The following FAP variants were observed in gnomAD, a reference collection of about 807,000 sequenced individuals.
FAP encodes the protein prolyl endopeptidase FAP.
Under a neutral mutation model 126.5 loss-of-function variants are expected in FAP, and 110 were observed. That is an observed-to-expected ratio of 0.87 (90% confidence interval 0.74 to 1.02). The LOEUF (loss-of-function observed/expected upper bound fraction) is 1.02. Ranked by LOEUF, FAP falls within the 50% of genes least tolerant of loss-of-function variation. The pLI, the probability that FAP is intolerant of heterozygous loss-of-function variation, is 0.00. For missense variants in FAP, 919 were observed against 909.2 expected (o/e 1.01, Z -0.14); for synonymous variants, 334 against 297.3 (o/e 1.12, Z -1.27).
chr2:162,215,359 T>G (rs1298521911), intron 10 of FAP, among the ~76,000 whole-genome samples: 1 of 152,198 alleles, frequency 6.6e-6, no homozygotes, highest in Non-Finnish European at 1.5e-5. Flanking sequence ...GGTCACTGTA[T>G]TCTGGACTAG....
chr2:162,187,037 C>G (rs1687885955), intron 20 of FAP, among the ~76,000 whole-genome samples: 1 of 151,062 alleles, frequency 6.6e-6, no homozygotes, highest in Admixed American at 6.6e-5. Flanking sequence ...CTCAGATAGA[C>G]TTTTTTTTTA....
chr2:162,227,554 C>T (rs1576192242), intron 2 of FAP, among the ~76,000 whole-genome samples: 1 of 152,238 alleles, frequency 6.6e-6, no homozygotes, highest in South Asian at 2.1e-4. Flanking sequence ...TAGGAAGATC[C>T]TATACCTTGA....
intron 11 of FAP, among the ~76,000 whole-genome samples, chr2:162,211,959 C>T (rs1315529629): frequency 2.0e-5 from 3 of 152,148 alleles, no homozygotes; most frequent in South Asian, 2.1e-4. Flanking sequence ...CTGGGAAATT[C>T]GACACTGTTG....
chr2:162,213,727 T>G (rs1689054581), intron 11 of FAP, among the ~76,000 whole-genome samples: 1 of 152,154 alleles, frequency 6.6e-6, no homozygotes. Flanking sequence ...GCTATTCAAT[T>G]TCAAGGTTTA....
chr2:162,224,126 CCTTT>C, intron 5 of FAP, among the ~76,000 whole-genome samples: 1 of 152,064 alleles, frequency 6.6e-6, no homozygotes, highest in East Asian at 1.9e-4. Flanking sequence ...AAAATGCTTG[CCTTT>C]CTTTGAGTAC....
intron 22 of FAP, among the ~76,000 whole-genome samples, 169 bp from the exon 23 acceptor site, chr2:162,173,956 TC>T (rs1367327323): frequency 6.6e-6 from 1 of 152,156 alleles, no homozygotes; most frequent in Non-Finnish European, 1.5e-5. Flanking sequence ...ATATGTGTCA[TC>T]TCTGCAATTA....
chr2:162,207,063 A>G (rs1399401586), intron 12 of FAP, among the ~76,000 whole-genome samples: 2 of 152,224 alleles, frequency 1.3e-5, no homozygotes, highest in African/African-American at 4.8e-5. Flanking sequence ...AAGACCCTAT[A>G]AATGTTACTT....
chr2:162,189,701 G>T lies in FAP; in HGVS notation c.1504C>A (p.Gln502Lys), dbSNP rs762712988. Reference sequence around the variant, plus strand: ...TTCTTAATTTCCTCTTTAGGCAGCTGGATATTTTTCAAAGCATTTTCCAAT... The same window carrying T: ...TTCTTAATTTCCTCTTTAGGCAGCTTGATATTTTTCAAAGCATTTTCCAAT... ...KELENALKNIQLPKEEIKKLE... is the reference protein window; with the variant it reads ...KELENALKNIKLPKEEIKKLE... Residue 502 changes from glutamine to lysine, a missense_variant, in exon 18 of 26, where the codon CAG becomes AAG. Physicochemically the swap from Gln to Lys is moderately conservative, Grantham distance 53. Coordinates refer to ENST00000188790, the MANE Select transcript of FAP (RefSeq NM_004460.5). The T allele has an allele frequency of 1.3e-6, 2 of 1,592,206 alleles. No individual in the cohort carries two copies. The highest frequency in any genetic ancestry group is 1.1e-5 in the South Asian group (1 of 87,332).
chr2:162,227,728 C>T (rs995339308), intron 2 of FAP, among the ~76,000 whole-genome samples: 15 of 152,138 alleles, frequency 9.9e-5, no homozygotes, highest in Non-Finnish European at 1.2e-4. Flanking sequence ...TGGTGTGGGG[C>T]AGTCTACCCT....
At chr2:162,232,966 A>T (rs949549676) in intron 2 of FAP, among the ~76,000 whole-genome samples, 1 of 152,116 alleles carries the variant, frequency 6.6e-6, no homozygotes, top group African/African-American at 2.4e-5. Flanking sequence ...CATGGCTGTT[A>T]CTGCTTCTAC....
At chr2:162,196,418 G>C (rs552125028) in intron 16 of FAP, among the ~76,000 whole-genome samples, 1 of 151,406 alleles carries the variant, frequency 6.6e-6, no homozygotes, top group Admixed American at 6.6e-5. Context: ...AGCATGCAAA[G>C]AAATGAGACA....
chr2:162,202,127 A>T (rs552162114), intron 14 of FAP, among the ~76,000 whole-genome samples: 1 of 152,342 alleles, frequency 6.6e-6, no homozygotes, highest in East Asian at 1.9e-4. Context: ...CTAAGAGAGG[A>T]TCCCTAGATG....
chr2:162,197,297 C>T lies in FAP; in HGVS notation c.1402+1460G>A, dbSNP rs115049799. ...AATACAAAGATTAAAAGAATGTAGCCCCTGCCTTCCAGGAGAAAAAGATAG... is the reference window on the plus strand; with the variant it reads ...AATACAAAGATTAAAAGAATGTAGCTCCTGCCTTCCAGGAGAAAAAGATAG... On this transcript the variant is annotated intron_variant, in intron 16 of 25. Coordinates refer to ENST00000188790, the MANE Select transcript of FAP (RefSeq NM_004460.5). Among the ~76,000 whole-genome samples, 547 of 152,182 alleles carry T rather than the reference C, an allele frequency of 3.6e-3. 2 individuals are homozygous for T. The highest frequency in any genetic ancestry group is 0.013 in the African/African-American group (528 of 41,522).
chr2:162,207,594 A>T (rs1384838426), intron 12 of FAP, among the ~76,000 whole-genome samples: 2 of 152,020 alleles, frequency 1.3e-5, no homozygotes, highest in African/African-American at 4.8e-5. Flanking sequence ...TATTTTTTTA[A>T]AAAAGTTCTA....
chr2:162,238,520 A>T (rs1690226706), intron 2 of FAP, among the ~76,000 whole-genome samples: 1 of 151,764 alleles, frequency 6.6e-6, no homozygotes, highest in Admixed American at 6.7e-5. Flanking sequence ...AAATTAGAGA[A>T]CTATAAACTG....
chr2:162,200,546 A>T lies in FAP; in HGVS notation c.1277+20T>A, dbSNP rs770010307. Reference sequence around the variant, plus strand: ...AAATATCAACACATAGAAATACCAGAATGAATGGACATAAATTACCTGTAG... The same window carrying T: ...AAATATCAACACATAGAAATACCAGTATGAATGGACATAAATTACCTGTAG... On this transcript the variant is annotated intron_variant, in intron 15 of 25. Coordinates refer to ENST00000188790, the MANE Select transcript of FAP (RefSeq NM_004460.5). The T allele has an allele frequency of 7.2e-7, 1 of 1,392,468 alleles. No homozygotes were observed. Among genetic ancestry groups the T allele is most frequent in the East Asian group, 2.3e-5 (1 of 42,812 alleles). 86.3% of individuals were successfully genotyped at this position (1,392,468 alleles called of 1,614,324 possible). A position where few individuals can be genotyped will look rare whatever the true frequency, so the allele number is the denominator to read the frequency against.
At chr2:162,223,535 C>T in intron 6 of FAP, 73 bp downstream of exon 6, 2 of 997,264 alleles carry the variant, frequency 2.0e-6, no homozygotes, top group Admixed American at 1.9e-5. Flanking sequence ...CTTCTTAACC[C>T]CAAATCATAG....
chr2:162,225,353 ACT>A (rs1341332452), intron 4 of FAP, 128 bp downstream of exon 4: 23 of 1,129,472 alleles, frequency 2.0e-5, no homozygotes, highest in Non-Finnish European at 2.8e-5. Context: ...GAACGGGAAG[ACT>A]CTAGTGGAGT....
At chr2:162,242,148 T>A (rs1479376346) in intron 2 of FAP, among the ~76,000 whole-genome samples, 1 of 152,150 alleles carries the variant, frequency 6.6e-6, no homozygotes, top group Admixed American at 6.6e-5. Context: ...TTTTTTCCAT[T>A]TCAGAAGCTT....
Sources: gnomAD v4.1 joint callset for allele counts (sites outside exome capture counted in the v4.1 genomes callset) on GRCh38, gnomAD v4.1.1 for gene constraint, MANE v1.5 for transcripts, NCBI Gene and HGNC (gene_info 2026-07-23, HGNC 2026-07-21) for gene names.